Variants in NTNG2 observed in about 807,000 individuals in gnomAD.
NTNG2 encodes netrin G2.
NTNG2 carries 15 observed loss-of-function variants against 47.6 expected under a neutral mutation model. The ratio of observed to expected loss-of-function variants is 0.32; its 90% CI spans 0.21 to 0.49. The LOEUF (loss-of-function observed/expected upper bound fraction) is 0.49. Among genes scored for constraint, NTNG2 ranks in the 20% least tolerant of loss-of-function variants. The pLI, the probability that NTNG2 is intolerant of heterozygous loss-of-function variation, is 0.99. For synonymous variants in NTNG2, 307 were observed against 324.6 expected (o/e 0.95, Z 0.58); for missense variants, 578 against 764.6 (o/e 0.76, Z 2.88).
At chr9:132,225,171 C>G (rs1009719646) in intron 3 of NTNG2, among the ~76,000 whole-genome samples, 3 of 152,252 alleles carry the variant, frequency 2.0e-5, no homozygotes, top group Non-Finnish European at 4.4e-5. Context: ...CCTGCCTTGG[C>G]CTCCCAAAGT....
intron 3 of NTNG2, among the ~76,000 whole-genome samples, chr9:132,209,801 G>T (rs1243873552): frequency 6.6e-6 from 1 of 151,908 alleles, no homozygotes; most frequent in African/African-American, 2.4e-5. Flanking sequence ...GAGAGATGGG[G>T]TGTGAGCTGC....
intron 4 of NTNG2, among the ~76,000 whole-genome samples, chr9:132,228,936 G>A (rs918808468): frequency 1.3e-5 from 2 of 152,018 alleles, no homozygotes; most frequent in African/African-American, 4.8e-5. Context: ...ACTCTTACCT[G>A]CCAGTCACAC....
At chr9:132,224,888 T>G (rs1840623825) in intron 3 of NTNG2, among the ~76,000 whole-genome samples, 1 of 152,198 alleles carries the variant, frequency 6.6e-6, no homozygotes, top group South Asian at 2.1e-4. Flanking sequence ...ATCAGATAAT[T>G]TCATCTGTAA....
chr9:132,233,416 G>T (rs1358574417), intron 5 of NTNG2: 1 of 152,342 alleles, frequency 6.6e-6, no homozygotes, highest in Admixed American at 6.5e-5. Context: ...TGGGCAGATT[G>T]TGCAAAGTTG....
At chr9:132,210,617 C>T (rs1007538430) in intron 3 of NTNG2, among the ~76,000 whole-genome samples, 5 of 152,236 alleles carry the variant, frequency 3.3e-5, no homozygotes, top group African/African-American at 9.6e-5. Flanking sequence ...CCATGACACC[C>T]GGCAGGCTCC....
At chr9:132,220,037 G>A (rs571367267) in intron 3 of NTNG2, among the ~76,000 whole-genome samples, 83 of 152,326 alleles carry the variant, frequency 5.4e-4, no homozygotes, top group African/African-American at 1.9e-3. Flanking sequence ...CTATCCTGGT[G>A]AGTGTGAAGT....
chr9:132,198,688 G>GGTATCCA, intron 3 of NTNG2, 79 bp downstream of exon 3: 1 of 1,407,024 alleles, frequency 7.1e-7, no homozygotes. Context: ...GGATACCTGG[G>GGTATCCA]ATGTTACCTG....
intron 3 of NTNG2, among the ~76,000 whole-genome samples, chr9:132,214,680 G>A (rs1337998461): frequency 1.3e-5 from 2 of 152,222 alleles, no homozygotes; most frequent in Non-Finnish European, 2.9e-5. Flanking sequence ...GGTCTGAGCA[G>A]AGGGGCCAGA....
intron 2 of NTNG2, among the ~76,000 whole-genome samples, chr9:132,174,898 G>A (rs1443176722): frequency 8.4e-6 from 1 of 119,704 alleles, no homozygotes; most frequent in Non-Finnish European, 1.8e-5. Context: ...CTCCAGCCTG[G>A]GCGACAGAGC....
At position 132,231,192 on chromosome 9, in the gene NTNG2, C is replaced by T. The variant is rs2130971413; in HGVS notation, c.1054+597C>T. 9.8e-6 allele frequency: 4 copies of T among 409,392 alleles called. No homozygotes were observed. Among genetic ancestry groups the T allele is most frequent in the South Asian group, 7.0e-5 (4 of 57,054 alleles). 25.4% of individuals were successfully genotyped at this position (409,392 alleles called of 1,614,324 possible). A position where few individuals can be genotyped will look rare whatever the true frequency, so the allele number is the denominator to read the frequency against. ...CAGGAGGTGGGGGTCCTGAGAGTTC[C>T]CCAGGAGGGCGAGGGCGACATGGCG... On this transcript the variant is annotated intron_variant, in intron 5 of 7. Transcript: ENST00000393229. The surrounding 1 kb of genome is among the most constrained non-coding windows in gnomAD (Gnocchi z 4.1).
In NTNG2 at chr9:132,230,471, A is replaced by G. The variant is rs948474068; in HGVS notation, c.1031-101A>G. ...GAGCAGGTGCTCTTGAGGGAGCGAC[A>G]CCTCCAGGTGCTCCCCTGCCCTGCT... On this transcript the variant is annotated intron_variant, in intron 4 of 7. Coordinates refer to ENST00000393229, the MANE Select transcript of NTNG2 (RefSeq NM_032536.4). 1.0e-5 allele frequency: 11 copies of G among 1,072,970 alleles called. No homozygotes were observed. The African/African-American group carries it at 1.7e-4, about 17-fold the overall frequency. The allele number at this position is 1,072,970 out of a possible 1,614,324, so 66.5% of individuals were successfully genotyped here.
chr9:132,231,335 G>A lies in NTNG2; in HGVS notation c.1054+740G>A, dbSNP rs1213061776. The A allele has an allele frequency of 2.2e-6, 1 of 456,284 alleles. No homozygotes were observed. Among genetic ancestry groups the A allele is most frequent in the Admixed American group, 2.4e-5 (1 of 42,530 alleles). The allele number at this position is 456,284 out of a possible 1,614,324, so 28.3% of individuals were successfully genotyped here. On this transcript the variant is annotated intron_variant, in intron 5 of 7. Transcript: ENST00000393229. This position sits in a 1 kb window ranked among gnomAD's most constrained non-coding sequence, Gnocchi z 4.1. ...CCCCTGGGAGGTCGCCATCTGCTCT[G>A]CGAGGCAGCAGGAGAGGACTGGCCA... is the stretch of plus-strand genomic sequence containing the variant.
chr9:132,184,552 A>G (rs977634762), intron 2 of NTNG2, among the ~76,000 whole-genome samples: 8 of 152,240 alleles, frequency 5.3e-5, no homozygotes, highest in Admixed American at 2.6e-4. Flanking sequence ...GGAGAGCTGT[A>G]GACAGAAGAT....
intron 4 of NTNG2, among the ~76,000 whole-genome samples, chr9:132,227,398 C>T (rs771205510): frequency 6.6e-6 from 1 of 152,350 alleles, no homozygotes; most frequent in African/African-American, 2.4e-5. Context: ...CAGCAGCATT[C>T]CTGCAACCCT....
intron 6 of NTNG2, among the ~76,000 whole-genome samples, chr9:132,240,232 T>C (rs1380070971): frequency 6.6e-6 from 1 of 152,208 alleles, no homozygotes; most frequent in Non-Finnish European, 1.5e-5. Context: ...GATAATTCCA[T>C]CAACTCTAAG....
rs530433361 is a variant in NTNG2, at chr9:132,236,944, G to A, written c.1055-2160G>A. On this transcript the variant is annotated intron_variant, in intron 5 of 7. Coordinates refer to ENST00000393229, the MANE Select transcript of NTNG2 (RefSeq NM_032536.4). The surrounding 1 kb of genome is among the most constrained non-coding windows in gnomAD (Gnocchi z 4.3). Reference sequence around the variant, plus strand: ...TTCAGAAAGGAAGGGAGATGCCAAAGTCCTTAAATGCCAAGTTTAGTCTCT... The same window carrying A: ...TTCAGAAAGGAAGGGAGATGCCAAAATCCTTAAATGCCAAGTTTAGTCTCT... 2.6e-5 allele frequency among the ~76,000 whole-genome samples: 4 copies of A among 152,332 alleles called. No individual in the cohort carries two copies. The South Asian group carries it at 8.3e-4, about 32-fold the overall frequency.
Position 132,241,007 on chromosome 9 carries a change from C to T in NTNG2, c.1320C>T (p.Asp440=). 6.2e-7 allele frequency: 1 copy of T among 1,609,064 alleles called. No homozygotes were observed. The highest frequency in any genetic ancestry group is 8.5e-7 in the Non-Finnish European group (1 of 1,179,296). The change falls in exon 7 of 8, where the codon GAC becomes GAT. Residue 440 remains aspartate (D), a synonymous_variant. Transcript: ENST00000393229. ...GCGCGGCGGGCCCCAAGTGCGACGA[C>T]TGCCTCCCCACGCACTACTGGCGCC... is the stretch of plus-strand genomic sequence containing the variant. ...REGAAGPKCD[D]CLPTHYWRQG...
Position 132,215,315 on chromosome 9 carries a change from T to C in NTNG2, c.858-11534T>C, listed in dbSNP as rs1308144753. On this transcript the variant is annotated intron_variant, in intron 3 of 7. Coordinates refer to ENST00000393229, the MANE Select transcript of NTNG2 (RefSeq NM_032536.4). The surrounding 1 kb of genome is among the most constrained non-coding windows in gnomAD (Gnocchi z 4.2). ...GCCAGTGGGGGCCAGGCATGGTGGC[T>C]TATACCTGTAATCCCAGCATTTTGG... Among the ~76,000 whole-genome samples the C allele has an allele frequency of 4.6e-5, 7 of 151,956 alleles. No homozygotes were observed. Among genetic ancestry groups the C allele is most frequent in the Non-Finnish European group, 1.0e-4 (7 of 67,948 alleles).
chr9:132,166,774 A>C lies in NTNG2; in HGVS notation c.-58A>C. On this transcript the variant is annotated 5_prime_UTR_variant, in exon 2 of 8. It removes the in-frame stop codon of an upstream open reading frame in the 5' UTR. Transcript: ENST00000393229. Reference sequence around the variant, plus strand: ...ATGCTGAGGCCGCGAGTCCCGCCTGACCCCGTCGCTGCCTCTCCAGGGCTT... The same window carrying C: ...ATGCTGAGGCCGCGAGTCCCGCCTGCCCCCGTCGCTGCCTCTCCAGGGCTT... The C allele has an allele frequency of 6.5e-6, 10 of 1,550,166 alleles. No individual in the cohort carries two copies. The highest frequency in any genetic ancestry group is 8.9e-6 in the Non-Finnish European group (10 of 1,127,436).
Sources: gnomAD v4.1 joint callset for allele counts (sites outside exome capture counted in the v4.1 genomes callset) on GRCh38, gnomAD v4.1.1 for gene constraint, Gnocchi (gnomAD v3.1) non-coding constraint, MANE v1.5 for transcripts, NCBI Gene and HGNC (gene_info 2026-07-23, HGNC 2026-07-21) for gene names.